Variants in PCCA observed in about 807,000 individuals in gnomAD.
PCCA encodes propionyl-CoA carboxylase subunit alpha.
A neutral mutation model predicts 101.3 loss-of-function variants in PCCA; 74 were observed. The ratio of observed to expected loss-of-function variants is 0.73; its 90% CI spans 0.61 to 0.89. PCCA has a LOEUF of 0.89. Ranked by LOEUF, PCCA falls within the 40% of genes least tolerant of loss-of-function variation. PCCA has a pLI of 0.00. For missense variants in PCCA, 891 were observed against 907.0 expected, an observed-to-expected ratio of 0.98 and a Z score of 0.23; for synonymous variants, 294 against 313.6, an observed-to-expected ratio of 0.94 and a Z score of 0.66.
chr13:100,373,042 C>T (rs1351619320), intron 19 of PCCA, among the ~76,000 whole-genome samples: 5 of 152,162 alleles, frequency 3.3e-5, no homozygotes, highest in African/African-American at 9.7e-5. Context: ...CCACGCCCAG[C>T]CCTCCCGATA....
intron 1 of PCCA, among the ~76,000 whole-genome samples, chr13:100,102,224 T>C (rs890677056): frequency 5.3e-5 from 8 of 151,986 alleles, no homozygotes; most frequent in African/African-American, 7.3e-5. Context: ...CACTGCCACC[T>C]CAAACTCTGG....
At chr13:100,386,925 A>AT (rs1232758674) in intron 19 of PCCA, among the ~76,000 whole-genome samples, 56 of 151,930 alleles carry the variant, frequency 3.7e-4, no homozygotes, top group Admixed American at 3.0e-3. Flanking sequence ...TGTATTACCT[A>AT]TTTTTTTTAA....
chr13:100,365,222 G>C (rs955000893), intron 18 of PCCA, among the ~76,000 whole-genome samples: 1 of 152,192 alleles, frequency 6.6e-6, no homozygotes, highest in East Asian at 1.9e-4. Context: ...AACAGGCTGA[G>C]ATTTAGACCT....
chr13:100,258,554 T>C (rs914675932), intron 9 of PCCA, among the ~76,000 whole-genome samples: 2 of 152,232 alleles, frequency 1.3e-5, no homozygotes, highest in African/African-American at 4.8e-5. Context: ...CGCTTAGCGC[T>C]TATTTTTCAT....
At chr13:100,213,564 T>C (rs2059349215) in intron 7 of PCCA, among the ~76,000 whole-genome samples, 1 of 152,222 alleles carries the variant, frequency 6.6e-6, no homozygotes, top group Non-Finnish European at 1.5e-5. Flanking sequence ...TTTTGCCCAT[T>C]TAAAAAATTG....
intron 8 of PCCA, among the ~76,000 whole-genome samples, chr13:100,248,354 C>T (rs2061566420): frequency 6.6e-6 from 1 of 152,134 alleles, no homozygotes; most frequent in African/African-American, 2.4e-5. Context: ...ATTCCTCCCT[C>T]CACTATGTTG....
At chr13:100,093,261 G>C (rs1339256628) in intron 1 of PCCA, among the ~76,000 whole-genome samples, 1 of 152,168 alleles carries the variant, frequency 6.6e-6, no homozygotes, top group Non-Finnish European at 1.5e-5. Context: ...TACGAGGCTA[G>C]AGTTAGAGTT....
At chr13:100,452,501 C>G (rs1318687306) in intron 21 of PCCA, among the ~76,000 whole-genome samples, 1 of 152,218 alleles carries the variant, frequency 6.6e-6, no homozygotes, top group Non-Finnish European at 1.5e-5. Flanking sequence ...CTAAGAACAT[C>G]TGCCCCTACA....
intron 6 of PCCA, among the ~76,000 whole-genome samples, chr13:100,186,748 A>AAAAAAAAAAAC (rs1566661672): frequency 6.6e-6 from 1 of 150,408 alleles, no homozygotes; most frequent in African/African-American, 2.4e-5. Flanking sequence ...CAAAAAAAAA[A>AAAAAAAAAAAC]CAAAAAAAAA....
At position 100,417,552 on chromosome 13, in the gene PCCA, C is replaced by T. The variant is rs541054686; in HGVS notation, c.1747-8081C>T. 2.2e-4 allele frequency among the ~76,000 whole-genome samples: 33 copies of T among 152,202 alleles called. No homozygotes were observed. The South Asian group carries it at 6.6e-3, about 31-fold the overall frequency. On this transcript the variant is annotated intron_variant, in intron 19 of 23. Coordinates refer to ENST00000376285, the MANE Select transcript of PCCA (RefSeq NM_000282.4). ...GATGTATGTGGGGAGGCCAGAGTAT[C>T]GTGGCAGTCTGCCTGAGAGATGCAG...
chr13:100,450,663 T>C (rs923260086), intron 21 of PCCA, among the ~76,000 whole-genome samples: 2 of 152,150 alleles, frequency 1.3e-5, no homozygotes, highest in African/African-American at 2.4e-5. Flanking sequence ...TTTGCAGCCA[T>C]TGAGATAGGA....
At chr13:100,517,617 G>T (rs372289406) in intron 22 of PCCA, among the ~76,000 whole-genome samples, 17 of 152,212 alleles carry the variant, frequency 1.1e-4, no homozygotes, top group African/African-American at 4.1e-4. Flanking sequence ...GTAGTGAACA[G>T]GCTCAGGACC....
chr13:100,395,642 A>T (rs186796139), intron 19 of PCCA, among the ~76,000 whole-genome samples: 1 of 152,298 alleles, frequency 6.6e-6, no homozygotes, highest in East Asian at 1.9e-4. Context: ...AAATTAAATA[A>T]TTTTTTAAAA....
At chr13:100,189,524 A>G (rs1377424674) in intron 6 of PCCA, among the ~76,000 whole-genome samples, 1 of 152,098 alleles carries the variant, frequency 6.6e-6, no homozygotes, top group Non-Finnish European at 1.5e-5. Flanking sequence ...TAGATTGCGA[A>G]GGTTTTCTCC....
At chr13:100,244,983 G>A (rs1350361000) in intron 8 of PCCA, among the ~76,000 whole-genome samples, 1 of 150,214 alleles carries the variant, frequency 6.7e-6, no homozygotes, top group Admixed American at 6.7e-5. Context: ...GTAGAGATGT[G>A]GATAAATCAT....
intron 8 of PCCA, among the ~76,000 whole-genome samples, chr13:100,240,663 C>T (rs768565052): frequency 6.6e-6 from 1 of 151,946 alleles, no homozygotes; most frequent in African/African-American, 2.4e-5. Flanking sequence ...ATAATTGTTA[C>T]GGTTTATACT....
At chr13:100,395,064 T>A (rs2076981162) in intron 19 of PCCA, among the ~76,000 whole-genome samples, 1 of 152,224 alleles carries the variant, frequency 6.6e-6, no homozygotes, top group African/African-American at 2.4e-5. Flanking sequence ...TATCTAAAAC[T>A]TTCTTTGCTC....
intron 19 of PCCA, among the ~76,000 whole-genome samples, chr13:100,384,751 AT>A (rs2076409230): frequency 6.6e-6 from 1 of 152,190 alleles, no homozygotes; most frequent in South Asian, 2.1e-4. Context: ...TAACTATTAC[AT>A]TTATGCCTAT....
At chr13:100,197,689 A>G (rs568870396) in intron 6 of PCCA, among the ~76,000 whole-genome samples, 74 of 152,094 alleles carry the variant, frequency 4.9e-4, no homozygotes, top group Non-Finnish European at 8.5e-4. Context: ...CAAAGTGCTG[A>G]GATTACAGGC....
Sources: allele counts gnomAD v4.1 joint callset (sites outside exome capture counted in the v4.1 genomes callset), GRCh38; gene constraint gnomAD v4.1.1; transcripts MANE v1.5; gene names NCBI Gene and HGNC (gene_info 2026-07-23, HGNC 2026-07-21).